CPNE2: variants seen among roughly 807,000 people sequenced by gnomAD.
The protein encoded by CPNE2 is copine 2.
In CPNE2, 42 loss-of-function variants were observed where a neutral mutation model predicts 69.7. The ratio of observed to expected loss-of-function variants is 0.60; its 90% CI spans 0.47 to 0.78. The LOEUF is 0.78. Among genes scored for constraint, CPNE2 ranks in the 30% least tolerant of loss-of-function variants. The pLI is 0.00. For synonymous variants in CPNE2, 294 were observed against 289.8 expected (o/e 1.01, Z -0.15); for missense variants, 587 against 732.0 (o/e 0.80, Z 2.29).
intron 11 of CPNE2, 112 bp downstream of exon 11, chr16:57,126,105 C>T (rs1304110788): frequency 7.4e-7 from 1 of 1,357,386 alleles, no homozygotes; most frequent in African/African-American, 1.4e-5. Context: ...GAATGGACAG[C>T]AAATGGCATA....
intron 12 of CPNE2, among the ~76,000 whole-genome samples, chr16:57,129,925 G>A (rs2069825844): frequency 6.6e-6 from 1 of 152,182 alleles, no homozygotes; most frequent in Non-Finnish European, 1.5e-5. Flanking sequence ...CTGGGAGGAT[G>A]AGATTGCTAG....
chr16:57,139,703 G>A lies in CPNE2; in HGVS notation c.1302+2421G>A, dbSNP rs780004599. Among the ~76,000 whole-genome samples the A allele has an allele frequency of 2.6e-5, 4 of 152,224 alleles. No homozygotes were observed. The East Asian group carries it at 7.7e-4, about 29-fold the overall frequency. On this transcript the variant is annotated intron_variant, in intron 14 of 15. Coordinates refer to ENST00000290776, the MANE Select transcript of CPNE2 (RefSeq NM_152727.6). Reference sequence around the variant, plus strand: ...TCCTCAGTTATAATTTTGCAAAGGCGGTTTCAATAGGAGTGGGGAGTGGCA... The same window carrying A: ...TCCTCAGTTATAATTTTGCAAAGGCAGTTTCAATAGGAGTGGGGAGTGGCA...
chr16:57,145,974 A>G, intron 14 of CPNE2, 111 bp from the exon 15 acceptor site: 1 of 879,042 alleles, frequency 1.1e-6, no homozygotes, highest in Non-Finnish European at 1.8e-6. Context: ...GCAGCTGGGT[A>G]AGATGCACTG....
At chr16:57,113,536 C>CGTGCT in intron 3 of CPNE2, 69 bp downstream of exon 3, 1 of 1,491,190 alleles carries the variant, frequency 6.7e-7, no homozygotes, top group South Asian at 1.3e-5. Context: ...AGTCTCTTCT[C>CGTGCT]GTGCTGTCTT....
At chr16:57,134,735 G>A (rs1206070223) in intron 12 of CPNE2, 40 bp from the exon 13 acceptor site, 9 of 1,613,012 alleles carry the variant, frequency 5.6e-6, no homozygotes, top group Non-Finnish European at 7.6e-6. Flanking sequence ...CTGGGTTTGG[G>A]GGCGGGAGGC....
At chr16:57,116,282 A>C (rs1440472804) in intron 4 of CPNE2, among the ~76,000 whole-genome samples, 1 of 151,882 alleles carries the variant, frequency 6.6e-6, no homozygotes, top group Non-Finnish European at 1.5e-5. Flanking sequence ...AAGCAAACTG[A>C]ATTCTTAGCA....
rs1382762792 is a variant in CPNE2 at position 57,115,492 on chromosome 16, A to C, written c.377A>C (p.Lys126Thr). The stretch of plus-strand genomic sequence containing the variant: ...CTCCCCTAGATCGTCTCCAGCAAGA[A>C]GATCACTAGGCCTCTGCTGCTGCTG... ...CSLGTIVSSK[K>T]ITRPLLLLND... Residue 126 changes from lysine (K) to threonine (T), a missense_variant, in exon 4 of 16, where the codon AAG becomes ACG. This residue lies in a region of CPNE2 where 269 missense variants were observed against 300.5 expected (regional missense o/e 0.90). Coordinates refer to ENST00000290776, the MANE Select transcript of CPNE2 (RefSeq NM_152727.6). The C allele has an allele frequency of 4.3e-6, 7 of 1,611,974 alleles. No homozygotes were observed. The highest frequency in any genetic ancestry group is 5.1e-6 in the Non-Finnish European group (6 of 1,178,958).
chr16:57,146,521 C>A lies in CPNE2; in HGVS notation c.1539+200C>A. ...GTGGTGGCCATTGTGATAGTGTGAGCACTTGCTTCCACAAACTGATGGAAC... is the reference window on the plus strand; with the variant it reads ...GTGGTGGCCATTGTGATAGTGTGAGAACTTGCTTCCACAAACTGATGGAAC... On this transcript the variant is annotated intron_variant, in intron 15 of 15. Transcript: ENST00000290776. This position sits in a 1 kb window ranked among gnomAD's most constrained non-coding sequence, Gnocchi z 4.4. 6.9e-6 allele frequency: 4 copies of A among 578,360 alleles called. No individual in the cohort carries two copies. Among genetic ancestry groups the A allele is most frequent in the Non-Finnish European group, 1.2e-5 (4 of 325,164 alleles). 35.8% of individuals were successfully genotyped at this position (578,360 alleles called of 1,614,324 possible).
intron 1 of CPNE2, among the ~76,000 whole-genome samples, chr16:57,097,387 C>T (rs781181288): frequency 9.9e-5 from 15 of 152,126 alleles, no homozygotes; most frequent in Non-Finnish European, 1.6e-4. Flanking sequence ...ATCTGTTGAA[C>T]AACCAAATGG....
At position 57,121,175 on chromosome 16, in the gene CPNE2, C is replaced by T; in HGVS notation, c.764C>T (p.Ala255Val). 6.2e-7 allele frequency: 1 copy of T among 1,613,914 alleles called. No homozygotes were observed. Among genetic ancestry groups the T allele is most frequent in the Non-Finnish European group, 8.5e-7 (1 of 1,179,902 alleles). ...ACCTCAGTGTCACAGATGTGTGAGG[C>T]TCGAGACAGCGTCCCGGTGAGATGG... is the stretch of plus-strand genomic sequence containing the variant. The part of the protein sequence containing the change: ...FQTSVSQMCE[A>V]RDSVPLEFEC... Residue 255 changes from alanine to valine, a missense_variant, in exon 8 of 16, where the codon GCT becomes GTT. Ala to Val is a moderately conservative substitution (Grantham distance 64, BLOSUM62 0). Around this residue, in one of 5 missense-constraint regions of CPNE2, gnomAD observed 269 missense variants for 300.5 expected, o/e 0.90. Coordinates refer to ENST00000290776, the MANE Select transcript of CPNE2 (RefSeq NM_152727.6).
At chr16:57,094,091 G>A in intron 1 of CPNE2, 1 of 456,602 alleles carries the variant, frequency 2.2e-6, no homozygotes, top group South Asian at 1.5e-5. Flanking sequence ...CATAGGTCCA[G>A]GTGAGCTCCA....
rs775740685 is a variant in CPNE2 at position 57,146,203 on chromosome 16, A to G, written c.1421A>G (p.Asn474Ser). The change falls in exon 15 of 16, where the codon AAT (asparagine) becomes AGT (serine). Residue 474 changes from asparagine to serine, a missense_variant. By Grantham distance (46) the Asn-to-Ser change is conservative. Around this residue, in one of 5 missense-constraint regions of CPNE2, gnomAD observed 185 missense variants for 252.3 expected, o/e 0.73. Coordinates refer to ENST00000290776, the MANE Select transcript of CPNE2 (RefSeq NM_152727.6). This position sits in a 1 kb window ranked among gnomAD's most constrained non-coding sequence, Gnocchi z 4.4. ...TCCATCATCATCGTGGGCGTGGGCA[A>G]TGCGGACTTCGCTGCCATGGAGTTC... Reference protein sequence around the residue: ...PMSIIIVGVGNADFAAMEFLD... With the variant: ...PMSIIIVGVGSADFAAMEFLD... 1.3e-6 allele frequency: 2 copies of G among 1,570,890 alleles called. No homozygotes were observed.
intron 13 of CPNE2, 110 bp downstream of exon 13, chr16:57,134,936 C>T (rs1412452986): frequency 2.3e-5 from 27 of 1,181,312 alleles, no homozygotes; most frequent in Middle Eastern, 1.9e-4. Flanking sequence ...CCTTTCCCCT[C>T]CCCCTTACTG....
rs1315757329 is a variant in CPNE2 at position 57,130,293 on chromosome 16, C to T, written c.1116+2390C>T. ...ACTCGGGAGGCTGAGGCAGGAAGAT[C>T]CCTGGAGCCCAGTGAGCTATGAGTG... On this transcript the variant is annotated intron_variant, in intron 12 of 15. Transcript: ENST00000290776. This position sits in a 1 kb window ranked among gnomAD's most constrained non-coding sequence, Gnocchi z 4.1. 6.6e-6 allele frequency among the ~76,000 whole-genome samples: 1 copy of T among 151,704 alleles called. No homozygotes were observed. Among genetic ancestry groups the T allele is most frequent in the African/African-American group, 2.4e-5 (1 of 41,244 alleles).
chr16:57,141,149 CA>C (rs2069919820), intron 14 of CPNE2: 1 of 152,348 alleles, frequency 6.6e-6, no homozygotes, highest in African/African-American at 2.4e-5. Context: ...AGAGCTGGGG[CA>C]GGACTGGGCA....
chr16:57,146,422 G>T lies in CPNE2; in HGVS notation c.1539+101G>T. The T allele has an allele frequency of 9.8e-7, 1 of 1,018,864 alleles. No individual in the cohort carries two copies. The allele number at this position is 1,018,864 out of a possible 1,614,324, so 63.1% of individuals were successfully genotyped here. ...CTTGGGGTTGTCTGGCCCAATCCTA[G>T]ACTTCTCCACTCCATTGACTATGCT... On this transcript the variant is annotated intron_variant, in intron 15 of 15. Coordinates refer to ENST00000290776, the MANE Select transcript of CPNE2 (RefSeq NM_152727.6). The surrounding 1 kb of genome is among the most constrained non-coding windows in gnomAD (Gnocchi z 4.4).
rs376602527 is a variant in CPNE2, at chr16:57,118,394, C to T, written c.508-801C>T. The stretch of plus-strand genomic sequence containing the variant: ...TTCACTATGATAGCCAGGATGGTCT[C>T]GATCTCCTGACCTTGTGATCCGCCT... On this transcript the variant is annotated intron_variant, in intron 5 of 15. Transcript: ENST00000290776. Among the ~76,000 whole-genome samples the T allele has an allele frequency of 1.9e-4, 28 of 150,040 alleles. 1 individual carries two copies. In the South Asian group the frequency reaches 5.7e-3, roughly 30 times the overall value.
chr16:57,136,362 C>CT (rs2069880999), intron 13 of CPNE2, among the ~76,000 whole-genome samples: 1 of 152,330 alleles, frequency 6.6e-6, no homozygotes, highest in South Asian at 2.1e-4. Context: ...TACAGAGCGC[C>CT]TACTCTGTAC....
intron 5 of CPNE2, among the ~76,000 whole-genome samples, chr16:57,117,891 AC>A (rs2145254716): frequency 6.6e-6 from 1 of 151,598 alleles, no homozygotes; most frequent in South Asian, 2.1e-4. Context: ...CTCCGACCTC[AC>A]CCCTCCTCCC....
Sources: gnomAD v4.1 joint callset for allele counts (sites outside exome capture counted in the v4.1 genomes callset) on GRCh38, gnomAD v4.1.1 for gene constraint, gnomAD v4.1.1 regional missense constraint, Gnocchi (gnomAD v3.1) non-coding constraint, MANE v1.5 for transcripts, NCBI Gene and HGNC (gene_info 2026-07-23, HGNC 2026-07-21) for gene names.